The following VWA5B1 variants were observed in gnomAD, a reference collection of about 807,000 sequenced individuals.
VWA5B1 encodes von Willebrand factor A domain-containing protein 5B1.
Under a neutral mutation model 118.2 loss-of-function variants are expected in VWA5B1, and 115 were observed. The observed-to-expected ratio is 0.97, with a 90% CI of 0.84 to 1.14. The LOEUF is 1.14. VWA5B1 is among the 50% of genes most tolerant of loss of function. VWA5B1 has a pLI of 0.00. For missense variants in VWA5B1, 1,596 were observed against 1,603.8 expected (o/e 1.00, Z 0.08); for synonymous variants, 682 against 658.4 (o/e 1.04, Z -0.55).
Position 20,328,468 on chromosome 1 carries a change from A to G in VWA5B1, c.1254+468A>G, listed in dbSNP as rs559200459. Reference sequence around the variant, plus strand: ...GGCTCAAGATACTGTGTGAAACAAGAAGGCTGTGGCCCCAGCAGCGTGTTC... The same window carrying G: ...GGCTCAAGATACTGTGTGAAACAAGGAGGCTGTGGCCCCAGCAGCGTGTTC... On this transcript the variant is annotated intron_variant, in intron 9 of 21. Transcript: ENST00000289815. Among the ~76,000 whole-genome samples, 98 of 152,212 alleles carry G rather than the reference A, an allele frequency of 6.4e-4. 2 individuals are homozygous for G. The South Asian group carries it at 0.02, about 32-fold the overall frequency.
intron 4 of VWA5B1, 96 bp downstream of exon 4, chr1:20,314,688 G>A: frequency 6.7e-7 from 1 of 1,481,700 alleles, no homozygotes; most frequent in East Asian, 2.5e-5. Flanking sequence ...GGGAGACAGG[G>A]AGGAGATGGG....
chr1:20,352,000 C>T, intron 20 of VWA5B1, 55 bp from the exon 21 acceptor site: 8 of 1,414,044 alleles, frequency 5.7e-6, no homozygotes. Flanking sequence ...TCAGGGGCTT[C>T]TGGGTGGGCA....
intron 1 of VWA5B1, among the ~76,000 whole-genome samples, chr1:20,307,655 A>G (rs1305328106): frequency 1.3e-5 from 2 of 152,044 alleles, no homozygotes; most frequent in Non-Finnish European, 2.9e-5. Flanking sequence ...ACTCCTTGCC[A>G]TGTGGGCTGG....
rs146371074 is a variant in VWA5B1, at chr1:20,312,954, C to T, written c.258C>T (p.Phe86=). 6.6e-4 allele frequency: 1,025 copies of T among 1,551,618 alleles called. 6 individuals are homozygous for T. In the African/African-American group the frequency reaches 0.013, roughly 19 times the overall value. The change falls in exon 3 of 22, where the codon TTC becomes TTT. Residue 86 remains phenylalanine, a synonymous_variant. Coordinates refer to ENST00000289815, the MANE Select transcript of VWA5B1 (RefSeq NM_001039500.3). ...AAGCCAAGCTGGAGAGCGGCCACTT[C>T]GATGCCTCCCATGTTCGATCCCCAA... ...KDKAKLESGH[F]DASHVRSPTV...
At chr1:20,353,385 G>A (rs1336355046) in intron 21 of VWA5B1, among the ~76,000 whole-genome samples, 4 of 152,128 alleles carry the variant, frequency 2.6e-5, no homozygotes, top group Admixed American at 6.6e-5. Flanking sequence ...GAGGAAGCAC[G>A]TGATGGATTG....
intron 14 of VWA5B1, chr1:20,338,311 G>T (rs2089780235): frequency 2.9e-6 from 1 of 343,950 alleles, no homozygotes; most frequent in African/African-American, 2.1e-5. Flanking sequence ...AATTCCAGGG[G>T]ATATACATTT....
Position 20,354,124 on chromosome 1 carries a change from G to C in VWA5B1, c.3509G>C (p.Trp1170Ser), listed in dbSNP as rs1379990060. Residue 1170 changes from tryptophan to serine, a missense_variant, in exon 22 of 22, where the codon TGG (tryptophan) becomes TCG (serine). Trp to Ser is a radical substitution (Grantham distance 177). Coordinates refer to ENST00000289815, the MANE Select transcript of VWA5B1 (RefSeq NM_001039500.3). Reference protein sequence around the residue: ...WELVAAKANSWLEQQEVPEGR... With the variant: ...WELVAAKANSSLEQQEVPEGR... ...TTGGTGGCTGCCAAGGCCAACTCAT[G>C]GCTGGAGCAGCAGGAAGTACCCGAG... 1.9e-6 allele frequency: 3 copies of C among 1,551,420 alleles called. No individual in the cohort carries two copies. The South Asian group carries it at 3.6e-5, about 18-fold the overall frequency.
chr1:20,342,936 T>C (rs993381549), intron 15 of VWA5B1, 143 bp from the exon 16 acceptor site: 8 of 1,391,378 alleles, frequency 5.7e-6, no homozygotes, highest in Middle Eastern at 5.1e-4. Flanking sequence ...AGGAAAGCAG[T>C]TGGAGTTGCC....
intron 14 of VWA5B1, among the ~76,000 whole-genome samples, chr1:20,341,471 C>G (rs1393911562): frequency 1.3e-5 from 2 of 152,202 alleles, no homozygotes; most frequent in Admixed American, 6.5e-5. Context: ...GGGGTGCCAT[C>G]AAACACTTAA....
chr1:20,346,934 G>A (rs1048068275), intron 17 of VWA5B1, among the ~76,000 whole-genome samples: 1 of 152,074 alleles, frequency 6.6e-6, no homozygotes, highest in Non-Finnish European at 1.5e-5. Flanking sequence ...GTCATTTCAG[G>A]CAATGGAGTG....
At chr1:20,293,677 G>T (rs1257699095) in intron 1 of VWA5B1, among the ~76,000 whole-genome samples, 1 of 152,234 alleles carries the variant, frequency 6.6e-6, no homozygotes, top group Non-Finnish European at 1.5e-5. Flanking sequence ...TGGGGGAACT[G>T]GGAACAGCCC....
chr1:20,318,640 C>T lies in VWA5B1; in HGVS notation c.760C>T (p.Arg254Cys), dbSNP rs202125777. The change falls in exon 6 of 22, where the codon CGC becomes TGC. Residue 254 changes from arginine (R) to cysteine (C), a missense_variant. By Grantham distance (180) the Arg-to-Cys change is radical. Transcript: ENST00000289815. ...TCGTGCCGACGCCGCCCCATCTGCC[C>T]GCTCGGCCAAGAGCATCATCATCAC... ...EIRADAAPSA[R>C]SAKSIIITLA... 8.5e-5 allele frequency: 132 copies of T among 1,550,734 alleles called. No individual in the cohort carries two copies. Among genetic ancestry groups the T allele is most frequent in the Middle Eastern group, 1.7e-4 (1 of 5,982 alleles).
chr1:20,295,523 G>T (rs1180945151), intron 1 of VWA5B1, among the ~76,000 whole-genome samples: 2 of 152,176 alleles, frequency 1.3e-5, no homozygotes, highest in African/African-American at 4.8e-5. Context: ...GCTAGATCGT[G>T]CCTTGTGAAT....
rs1032391724 is a variant in VWA5B1, at chr1:20,332,757, G to T, written c.1573-9G>T. 3.9e-6 allele frequency: 6 copies of T among 1,551,134 alleles called. No individual in the cohort carries two copies. The African/African-American group carries it at 8.2e-5, about 21-fold the overall frequency. ...CATCCCCCAACTGCATTCTGACCCT[G>T]CCCTACAGATGGTCAAATCCTTGAA... On this transcript the variant is annotated splice_polypyrimidine_tract_variant and intron_variant, in intron 11 of 21. Coordinates refer to ENST00000289815, the MANE Select transcript of VWA5B1 (RefSeq NM_001039500.3).
chr1:20,337,790 C>A lies in VWA5B1; in HGVS notation c.2087C>A (p.Thr696Asn). The part of the protein sequence containing the change: ...PLRKARLQDL[T>N]NQTSLDVQRW... The stretch of plus-strand genomic sequence containing the variant: ...CGGAAAGCCAGGCTGCAGGACCTCA[C>A]CAACCAGACCAGCCTGGATGTCCAG... The change falls in exon 14 of 22, where the codon ACC becomes AAC. Residue 696 changes from threonine to asparagine, a missense_variant. Transcript: ENST00000289815. 1.9e-6 allele frequency: 3 copies of A among 1,551,804 alleles called. No homozygotes were observed. The highest frequency in any genetic ancestry group is 2.6e-6 in the Non-Finnish European group (3 of 1,147,024).
intron 1 of VWA5B1, among the ~76,000 whole-genome samples, chr1:20,306,443 C>T (rs147342473): frequency 2.5e-3 from 375 of 152,306 alleles, no homozygotes; most frequent in African/African-American, 8.4e-3. Flanking sequence ...TGGGAATAGA[C>T]TGTAAGGGGA....
chr1:20,353,113 G>A (rs933820155), intron 21 of VWA5B1, among the ~76,000 whole-genome samples: 4 of 152,212 alleles, frequency 2.6e-5, no homozygotes, highest in African/African-American at 4.8e-5. Context: ...AAGACTTGCA[G>A]GATGAGGAGA....
rs1416302105 is a variant in VWA5B1 at position 20,342,424 on chromosome 1, A to G, written c.2134-8A>G. 1 of 1,548,576 alleles carries G rather than the reference A, an allele frequency of 6.5e-7. No individual in the cohort carries two copies. Among genetic ancestry groups the G allele is most frequent in the Non-Finnish European group, 8.7e-7 (1 of 1,145,932 alleles). ...CTCCTCTTTCTCTTTCTCCTCTTCC[A>G]TCCCTAGCCCTTGCTGAACAGTGGT... On this transcript the variant is annotated splice_polypyrimidine_tract_variant and splice_region_variant and intron_variant, in intron 14 of 21. Coordinates refer to ENST00000289815, the MANE Select transcript of VWA5B1 (RefSeq NM_001039500.3).
At chr1:20,298,555 G>A (rs1404365138) in intron 1 of VWA5B1, among the ~76,000 whole-genome samples, 1 of 151,964 alleles carries the variant, frequency 6.6e-6, no homozygotes, top group Non-Finnish European at 1.5e-5. Flanking sequence ...TGTGCCTGGC[G>A]CTTTATGCAC....
Sources: gnomAD v4.1 joint callset for allele counts (sites outside exome capture counted in the v4.1 genomes callset) on GRCh38, gnomAD v4.1.1 for gene constraint, MANE v1.5 for transcripts, NCBI Gene and HGNC (gene_info 2026-07-23, HGNC 2026-07-21) for gene names.